NRXN1: variants seen among roughly 807,000 people sequenced by gnomAD.
NRXN1 encodes neurexin-1.
A neutral mutation model predicts 150.9 loss-of-function variants in NRXN1; 39 were observed. The observed-to-expected ratio is 0.26, with a 90% CI of 0.20 to 0.34. The LOEUF is 0.34. NRXN1 is among the 10% of genes least tolerant of loss of function. The probability of loss-of-function intolerance (pLI) is 1.00; values close to 1 mark genes in which losing one functional copy is unlikely to be tolerated. For missense variants in NRXN1, 1,815 were observed against 1,949.9 expected, an observed-to-expected ratio of 0.93 and a Z score of 1.30; for synonymous variants, 924 against 757.0, an observed-to-expected ratio of 1.22 and a Z score of -3.62.
chr2:50,403,957 C>CTATACTATACTATACTATACTA (rs2082571451), intron 17 of NRXN1, among the ~76,000 whole-genome samples: 2 of 152,144 alleles, frequency 1.3e-5, no homozygotes, highest in African/African-American at 4.8e-5. Context: ...TGGAAGTGGA[C>CTATACTATACTATACTATACTA]TGCTATACTA....
At chr2:50,286,548 T>C (rs2072205732) in intron 17 of NRXN1, among the ~76,000 whole-genome samples, 1 of 152,110 alleles carries the variant, frequency 6.6e-6, no homozygotes, top group Admixed American at 6.6e-5. Context: ...AGGTAGAAAA[T>C]TTATGTAAAG....
chr2:50,161,855 A>AGGCC (rs2059382312), intron 18 of NRXN1, among the ~76,000 whole-genome samples: 1 of 152,170 alleles, frequency 6.6e-6, no homozygotes, highest in Admixed American at 6.6e-5. Flanking sequence ...GAAGGCAGGC[A>AGGCC]GGCAGGAAGG....
intron 5 of NRXN1, among the ~76,000 whole-genome samples, chr2:50,672,726 C>T (rs1689035763): frequency 6.6e-6 from 1 of 151,932 alleles, no homozygotes; most frequent in South Asian, 2.1e-4. Context: ...AAATATTATA[C>T]ACATTTTATG....
At chr2:50,951,137 G>T (rs1691259617) in intron 2 of NRXN1, among the ~76,000 whole-genome samples, 1 of 152,154 alleles carries the variant, frequency 6.6e-6, no homozygotes. Flanking sequence ...GTATTAGAAA[G>T]AATAGGTTAC....
At chr2:50,203,530 T>G (rs963687491) in intron 18 of NRXN1, among the ~76,000 whole-genome samples, 2 of 152,196 alleles carry the variant, frequency 1.3e-5, no homozygotes, top group Admixed American at 1.3e-4. Flanking sequence ...ATGCTTGCCT[T>G]GCTCTCTTTG....
At chr2:50,943,844 G>C (rs1689886024) in intron 2 of NRXN1, among the ~76,000 whole-genome samples, 1 of 152,124 alleles carries the variant, frequency 6.6e-6, no homozygotes, top group African/African-American at 2.4e-5. Context: ...GAAAACAGTA[G>C]AGAGAGAAAA....
At position 50,599,377 on chromosome 2, in the gene NRXN1, G is replaced by A. The variant is rs1003716361; in HGVS notation, c.1320+20645C>T. 2.6e-5 allele frequency among the ~76,000 whole-genome samples: 4 copies of A among 152,146 alleles called. No individual in the cohort carries two copies. The East Asian group carries it at 7.7e-4, about 29-fold the overall frequency. On this transcript the variant is annotated intron_variant, in intron 8 of 22. Coordinates refer to ENST00000401669, the MANE Select transcript of NRXN1 (RefSeq NM_001330078.2). ...CTTTAGAAGGTGGTCACTACTTACT[G>A]AAGTAATAAAGAAATATGTTTACCT...
At chr2:50,828,331 C>A (rs1432800977) in intron 5 of NRXN1, among the ~76,000 whole-genome samples, 1 of 150,946 alleles carries the variant, frequency 6.6e-6, no homozygotes, top group South Asian at 2.1e-4. Flanking sequence ...CTGAACCCCC[C>A]GCCTCCCTCC....
At chr2:50,653,781 T>A (rs1685978936) in intron 5 of NRXN1, among the ~76,000 whole-genome samples, 1 of 152,010 alleles carries the variant, frequency 6.6e-6, no homozygotes. Context: ...TTGCCTGTTC[T>A]CTTACTGTCT....
chr2:50,849,837 G>A (rs1226935057), intron 5 of NRXN1, among the ~76,000 whole-genome samples: 1 of 151,998 alleles, frequency 6.6e-6, no homozygotes, highest in East Asian at 1.9e-4. Context: ...CTCTTCCCCT[G>A]TTTACTGCTT....
rs569500958 is a variant in NRXN1 at position 50,758,421 on chromosome 2, A to G, written c.833-134806T>C. Among the ~76,000 whole-genome samples the G allele has an allele frequency of 4.6e-5, 7 of 152,062 alleles. 1 individual carries two copies. The highest frequency in any genetic ancestry group is 1.4e-4 in the African/African-American group (6 of 41,536). On this transcript the variant is annotated intron_variant, in intron 5 of 22. Coordinates refer to ENST00000401669, the MANE Select transcript of NRXN1 (RefSeq NM_001330078.2). ...GCAATGAAATTTTATTCATTAAAGA[A>G]CAAGAAACAAAGGCTGATTATATCT... is the stretch of plus-strand genomic sequence containing the variant.
chr2:50,273,675 C>T (rs567582067), intron 17 of NRXN1, among the ~76,000 whole-genome samples: 15 of 151,944 alleles, frequency 9.9e-5, no homozygotes, highest in African/African-American at 3.6e-4. Flanking sequence ...CAAGTATAAC[C>T]TTAATATTTA....
chr2:50,121,898 A>C (rs1280902742), intron 18 of NRXN1, among the ~76,000 whole-genome samples: 1 of 152,224 alleles, frequency 6.6e-6, no homozygotes, highest in Non-Finnish European at 1.5e-5. Context: ...TTACAGTGTA[A>C]TATGAAACAG....
At chr2:50,891,342 T>C (rs890421989) in intron 5 of NRXN1, among the ~76,000 whole-genome samples, 1 of 152,070 alleles carries the variant, frequency 6.6e-6, no homozygotes, top group Non-Finnish European at 1.5e-5. Flanking sequence ...GCTTCATAGT[T>C]ACCAGACTGA....
chr2:50,078,055 T>A (rs1259852941), intron 19 of NRXN1, among the ~76,000 whole-genome samples: 1 of 152,052 alleles, frequency 6.6e-6, no homozygotes, highest in Non-Finnish European at 1.5e-5. Context: ...TAATTTAAAT[T>A]TTAATATATG....
At chr2:50,942,395 T>A (rs1250335748) in intron 2 of NRXN1, among the ~76,000 whole-genome samples, 1 of 152,148 alleles carries the variant, frequency 6.6e-6, no homozygotes, top group Non-Finnish European at 1.5e-5. Context: ...GACCCCAGAA[T>A]GGTAGATCCA....
intron 2 of NRXN1, among the ~76,000 whole-genome samples, chr2:50,943,055 G>T (rs1689729303): frequency 6.6e-6 from 1 of 152,062 alleles, no homozygotes; most frequent in Non-Finnish European, 1.5e-5. Context: ...ATTCTTAGGA[G>T]ATCTGGTTGT....
At chr2:50,279,858 A>C (rs961896470) in intron 17 of NRXN1, among the ~76,000 whole-genome samples, 8 of 152,194 alleles carry the variant, frequency 5.3e-5, no homozygotes, top group Non-Finnish European at 1.0e-4. Context: ...ATATTATCTC[A>C]GAGGGGTACA....
rs563550504 is a variant in NRXN1, at chr2:50,304,505, G to A, written c.3365-67535C>T. Among the ~76,000 whole-genome samples, 3 of 152,280 alleles carry A rather than the reference G, an allele frequency of 2.0e-5. No individual in the cohort carries two copies. The South Asian group carries it at 6.2e-4, about 32-fold the overall frequency. Reference sequence around the variant, plus strand: ...CACAATAATTCAAAAATTCCTAGGAGCCAGCTAATCCCTTTTCAGCATTTG... The same window carrying A: ...CACAATAATTCAAAAATTCCTAGGAACCAGCTAATCCCTTTTCAGCATTTG... On this transcript the variant is annotated intron_variant, in intron 17 of 22. Transcript: ENST00000401669.
Sources: gnomAD v4.1 joint callset for allele counts (sites outside exome capture counted in the v4.1 genomes callset) on GRCh38, gnomAD v4.1.1 for gene constraint, MANE v1.5 for transcripts, NCBI Gene and HGNC (gene_info 2026-07-23, HGNC 2026-07-21) for gene names.